Variants in KYNU observed in about 807,000 individuals in gnomAD.
KYNU encodes the protein L-kynurenine hydrolase.
In KYNU, 54 loss-of-function variants were observed where a neutral mutation model predicts 59.2. The ratio of observed to expected loss-of-function variants is 0.91; its 90% CI spans 0.73 to 1.14. The LOEUF is 1.14. Among genes scored for constraint, KYNU ranks in the 50% most tolerant of loss-of-function variants. The pLI is 0.00. For synonymous variants in KYNU, 177 were observed against 192.0 expected (o/e 0.92, Z 0.65); for missense variants, 567 against 554.4 (o/e 1.02, Z -0.23).
At chr2:142,983,428 A>G (rs1685105066) in intron 8 of KYNU, among the ~76,000 whole-genome samples, 1 of 152,082 alleles carries the variant, frequency 6.6e-6, no homozygotes, top group South Asian at 2.1e-4. Flanking sequence ...CCTTACCCAC[A>G]GTGGAGGAAC....
chr2:142,906,059 CTCTT>C (rs1682284840), intron 2 of KYNU, among the ~76,000 whole-genome samples: 3 of 145,266 alleles, frequency 2.1e-5, no homozygotes, highest in African/African-American at 8.3e-5. Context: ...CTGCCTCTTT[CTCTT>C]TCTCTCCTCT....
At chr2:142,980,416 A>C (rs1423769173) in intron 8 of KYNU, among the ~76,000 whole-genome samples, 1 of 151,992 alleles carries the variant, frequency 6.6e-6, no homozygotes. Flanking sequence ...TAGAATGCCT[A>C]ACTTACTAGG....
chr2:143,054,099 C>G lies in KYNU; in HGVS notation c.*11927C>G, dbSNP rs1273391706. On this transcript the variant is annotated 3_prime_UTR_variant, in exon 14 of 14. Transcript: ENST00000264170. ...GAGTAGAAATAACACTGGTTTTTTC[C>G]CTATGTCCTTACAACCACCAATTGG... 1 of 151,748 alleles carries G rather than the reference C, an allele frequency of 6.6e-6. No homozygotes were observed. The highest frequency in any genetic ancestry group is 2.4e-5 in the African/African-American group (1 of 41,290). The allele number at this position is 151,748 out of a possible 1,614,324, so 9.4% of individuals were successfully genotyped here.
chr2:142,895,584 T>C (rs1681842116), intron 2 of KYNU, among the ~76,000 whole-genome samples: 1 of 152,256 alleles, frequency 6.6e-6, no homozygotes, highest in South Asian at 2.1e-4. Flanking sequence ...ACTATTAACA[T>C]TCATGTACAG....
intron 4 of KYNU, among the ~76,000 whole-genome samples, chr2:142,937,028 G>A (rs1683413638): frequency 6.6e-6 from 1 of 152,168 alleles, no homozygotes; most frequent in Non-Finnish European, 1.5e-5. Context: ...AAGTGAGGAC[G>A]GGATAAAGGT....
intron 4 of KYNU, among the ~76,000 whole-genome samples, chr2:142,948,300 T>C (rs1683866850): frequency 6.6e-6 from 1 of 152,202 alleles, no homozygotes; most frequent in Non-Finnish European, 1.5e-5. Context: ...TTGAAGAGAA[T>C]TGGGGCCTTG....
Position 143,032,133 on chromosome 2 carries a change from C to G in KYNU, c.956-1103C>G, listed in dbSNP as rs566126815. Reference sequence around the variant, plus strand: ...TCTACTAAAAATACAAAAAAATTAGCTGGGCGTGGTGACAGGCACCCGTAG... The same window carrying G: ...TCTACTAAAAATACAAAAAAATTAGGTGGGCGTGGTGACAGGCACCCGTAG... On this transcript the variant is annotated intron_variant, in intron 11 of 13. Transcript: ENST00000264170. Among the ~76,000 whole-genome samples the G allele has an allele frequency of 2.0e-5, 3 of 152,154 alleles. No homozygotes were observed. In the South Asian group the frequency reaches 6.2e-4, roughly 32 times the overall value.
At chr2:142,999,658 TTAGC>T (rs1197219690) in intron 10 of KYNU, among the ~76,000 whole-genome samples, 1 of 152,176 alleles carries the variant, frequency 6.6e-6, no homozygotes, top group African/African-American at 2.4e-5. Context: ...TTTCAAAACT[TTAGC>T]TAACCATGTA....
chr2:142,910,513 T>C (rs1558915878), intron 2 of KYNU, among the ~76,000 whole-genome samples: 1 of 152,170 alleles, frequency 6.6e-6, no homozygotes, highest in Admixed American at 6.5e-5. Flanking sequence ...TCTTCTCCCA[T>C]TCTGTAGGTT....
At chr2:142,950,056 A>G (rs1353052707) in intron 4 of KYNU, among the ~76,000 whole-genome samples, 1 of 152,238 alleles carries the variant, frequency 6.6e-6, no homozygotes, top group East Asian at 1.9e-4. Flanking sequence ...TTGCTAAAAC[A>G]TAACAAGAGT....
intron 12 of KYNU, 37 bp from the exon 13 acceptor site, chr2:143,040,391 A>G (rs145055037): frequency 4.0e-6 from 6 of 1,502,750 alleles, no homozygotes; most frequent in Middle Eastern, 1.7e-4. Context: ...TTGTAAATCA[A>G]TAAGACACTT....
intron 2 of KYNU, among the ~76,000 whole-genome samples, chr2:142,894,787 C>T (rs2043944): frequency 0.38 from 58,213 of 151,898 alleles, 11,302 homozygotes; most frequent in South Asian, 0.55. Context: ...TGCCATAGTT[C>T]AATTATTTAA....
chr2:142,885,626 G>A, intron 2 of KYNU, 90 bp downstream of exon 2: 1 of 1,175,660 alleles, frequency 8.5e-7, no homozygotes, highest in Non-Finnish European at 1.2e-6. Flanking sequence ...AATCATTGTT[G>A]TATTACATAA....
intron 10 of KYNU, among the ~76,000 whole-genome samples, chr2:143,017,014 T>G (rs1175475013): frequency 6.6e-6 from 1 of 152,228 alleles, no homozygotes; most frequent in Non-Finnish European, 1.5e-5. Context: ...TGGTTTTCTG[T>G]TGCTGCATTA....
rs148573589 is a variant in KYNU at position 142,906,762 on chromosome 2, G to A, written c.170-11847G>A. 8.0e-3 allele frequency among the ~76,000 whole-genome samples: 1,219 copies of A among 152,242 alleles called. 10 individuals are homozygous for A. Among genetic ancestry groups the A allele is most frequent in the Middle Eastern group, 0.02 (6 of 294 alleles). ...ATGGGTCAGAAGGACAGGTAGGGGC[G>A]CACACATGGGCGACTGTTGAGTAGA... On this transcript the variant is annotated intron_variant, in intron 2 of 13. Transcript: ENST00000264170.
At chr2:143,006,395 G>A (rs565018312) in intron 10 of KYNU, among the ~76,000 whole-genome samples, 3 of 151,792 alleles carry the variant, frequency 2.0e-5, no homozygotes, top group South Asian at 2.1e-4. Context: ...CACCTGGCTC[G>A]GAGGGTCCTA....
At chr2:142,907,317 G>A (rs575931488) in intron 2 of KYNU, among the ~76,000 whole-genome samples, 2 of 152,314 alleles carry the variant, frequency 1.3e-5, no homozygotes, top group South Asian at 4.1e-4. Flanking sequence ...CGTGGGACAT[G>A]GAAGAGAACC....
chr2:142,954,793 A>G lies in KYNU; in HGVS notation c.374-17A>G. ...ACATAGTACAAACATCTAAATTACG[A>G]TATGTTTATTTTACAGGAGCCAATG... On this transcript the variant is annotated splice_polypyrimidine_tract_variant and intron_variant, in intron 4 of 13. Coordinates refer to ENST00000264170, the MANE Select transcript of KYNU (RefSeq NM_003937.3). 1 of 1,541,274 alleles carries G rather than the reference A, an allele frequency of 6.5e-7. No individual in the cohort carries two copies. Among genetic ancestry groups the G allele is most frequent in the Non-Finnish European group, 9.0e-7 (1 of 1,114,126 alleles).
chr2:142,907,231 T>C lies in KYNU; in HGVS notation c.170-11378T>C, dbSNP rs553578335. Reference sequence around the variant, plus strand: ...GCAGCAAGCCTTTTGTTCTCTGACCTGGGCTTCTTGGCCTCACAGATTCCA... The same window carrying C: ...GCAGCAAGCCTTTTGTTCTCTGACCCGGGCTTCTTGGCCTCACAGATTCCA... On this transcript the variant is annotated intron_variant, in intron 2 of 13. Transcript: ENST00000264170. Among the ~76,000 whole-genome samples, 29 of 152,324 alleles carry C rather than the reference T, an allele frequency of 1.9e-4. No homozygotes were observed. The South Asian group carries it at 5.6e-3, about 29-fold the overall frequency.
Sources: gnomAD v4.1 joint callset for allele counts (sites outside exome capture counted in the v4.1 genomes callset) on GRCh38, gnomAD v4.1.1 for gene constraint, MANE v1.5 for transcripts, NCBI Gene and HGNC (gene_info 2026-07-23, HGNC 2026-07-21) for gene names.